Variants in FIG4 observed in about 807,000 individuals in gnomAD.
The protein encoded by FIG4 is polyphosphoinositide phosphatase.
In FIG4, 112 loss-of-function variants were observed where a neutral mutation model predicts 118.6. That is an observed-to-expected ratio of 0.94 (90% CI 0.81 to 1.11). FIG4 has a LOEUF of 1.11. Ranked by LOEUF, FIG4 falls within the 50% of genes least tolerant of loss-of-function variation. The pLI is 0.00. For missense variants in FIG4, 969 were observed against 1,111.7 expected (o/e 0.87, Z 1.83); for synonymous variants, 369 against 381.2 (o/e 0.97, Z 0.37).
intron 21 of FIG4, among the ~76,000 whole-genome samples, chr6:109,796,410 T>C (rs180766160): frequency 2.7e-4 from 41 of 152,300 alleles, no homozygotes; most frequent in African/African-American, 9.1e-4. Flanking sequence ...ACGCATTAGA[T>C]ATTTGTCACC....
chr6:109,714,261 G>A (rs900435775), intron 1 of FIG4, among the ~76,000 whole-genome samples: 1 of 152,278 alleles, frequency 6.6e-6, no homozygotes, highest in Non-Finnish European at 1.5e-5. Context: ...ATGAATGCCA[G>A]TGCATGGTAG....
chr6:109,730,190 A>G lies in FIG4; in HGVS notation c.447-2447A>G, dbSNP rs148684403. On this transcript the variant is annotated intron_variant, in intron 4 of 22. Transcript: ENST00000230124. ...CAGCCTCCCCAGTAGCTGGGACTAC[A>G]GACACATGCCACCACGCCTGACTAA... 4.1e-3 allele frequency among the ~76,000 whole-genome samples: 620 copies of G among 152,142 alleles called. 9 individuals carry two copies. Among genetic ancestry groups the G allele is most frequent in the African/African-American group, 0.014 (579 of 41,502 alleles).
At chr6:109,817,775 G>A (rs138317171) in intron 22 of FIG4, among the ~76,000 whole-genome samples, 197 of 152,288 alleles carry the variant, frequency 1.3e-3, no homozygotes, top group African/African-American at 4.5e-3. Flanking sequence ...AGGAACACAG[G>A]TCTCCTGGCG....
chr6:109,768,403 G>T (rs1400413179), intron 15 of FIG4, among the ~76,000 whole-genome samples: 1 of 152,228 alleles, frequency 6.6e-6, no homozygotes, highest in African/African-American at 2.4e-5. Context: ...AGTTTGCAAA[G>T]CTGGTCTGTT....
At chr6:109,796,967 C>G in intron 22 of FIG4, 116 bp downstream of exon 22, 1 of 712,840 alleles carries the variant, frequency 1.4e-6, no homozygotes, top group Non-Finnish European at 2.5e-6. Flanking sequence ...GTATAAGCAC[C>G]AAAGTGTCTC....
chr6:109,727,615 A>G (rs1158685411), intron 4 of FIG4, among the ~76,000 whole-genome samples: 1 of 152,304 alleles, frequency 6.6e-6, no homozygotes, highest in South Asian at 2.1e-4. Context: ...TTTAAACTCC[A>G]TGGATCTCTT....
chr6:109,753,218 A>G (rs561852412), intron 10 of FIG4, among the ~76,000 whole-genome samples: 1 of 152,076 alleles, frequency 6.6e-6, no homozygotes, highest in South Asian at 2.1e-4. Flanking sequence ...CCGAGATCAG[A>G]CGAGATCGGG....
intron 10 of FIG4, among the ~76,000 whole-genome samples, chr6:109,744,834 C>G (rs954489810): frequency 4.1e-4 from 62 of 150,836 alleles, no homozygotes; most frequent in African/African-American, 1.4e-3. Flanking sequence ...TGTTCCCGTC[C>G]TTGTGTCCAT....
At chr6:109,744,363 T>A (rs1242638963) in intron 10 of FIG4, among the ~76,000 whole-genome samples, 1 of 152,082 alleles carries the variant, frequency 6.6e-6, no homozygotes, top group Non-Finnish European at 1.5e-5. Flanking sequence ...GGCATACAGG[T>A]CAAAGGCTGA....
At chr6:109,699,677 A>C (rs1774847527) in intron 1 of FIG4, among the ~76,000 whole-genome samples, 1 of 151,100 alleles carries the variant, frequency 6.6e-6, no homozygotes, top group East Asian at 1.9e-4. Context: ...TAATTTTTTG[A>C]ATTTTCGGTA....
rs573714423 is a variant in FIG4 at position 109,736,876 on chromosome 6, C to A, written c.647-1449C>A. On this transcript the variant is annotated intron_variant, in intron 6 of 22. Coordinates refer to ENST00000230124, the MANE Select transcript of FIG4 (RefSeq NM_014845.6). ...CTTTCCAGAGGCTCCAGGGGAGAATCAGTTTTCTTGCCCTTTCCATCTTCT... is the reference window on the plus strand; with the variant it reads ...CTTTCCAGAGGCTCCAGGGGAGAATAAGTTTTCTTGCCCTTTCCATCTTCT... 2.0e-5 allele frequency among the ~76,000 whole-genome samples: 3 copies of A among 152,204 alleles called. No individual in the cohort carries two copies. In the South Asian group the frequency reaches 6.2e-4, roughly 32 times the overall value.
chr6:109,815,495 G>GCCCCCCCCCCCCCCCCCCCC (rs112617514), intron 22 of FIG4, among the ~76,000 whole-genome samples: 6 of 89,156 alleles, frequency 6.7e-5, no homozygotes, highest in African/African-American at 1.0e-4. Context: ...ACTCCAGGCT[G>GCCCCCCCCCCCCCCCCCCCC]CCCCCCCCAC....
intron 1 of FIG4, among the ~76,000 whole-genome samples, chr6:109,693,640 T>C (rs1774619641): frequency 6.6e-6 from 1 of 152,186 alleles, no homozygotes; most frequent in African/African-American, 2.4e-5. Flanking sequence ...CTCAGAGTAC[T>C]GCCAAAAACA....
rs533273800 is a variant in FIG4, at chr6:109,775,650, T to A, written c.1751-1272T>A. On this transcript the variant is annotated intron_variant, in intron 15 of 22. Transcript: ENST00000230124. ...GTAAAGAGGGTACAAATTGGGGCAG[T>A]AATGTATGCATTATTTAATGCTTGA... Among the ~76,000 whole-genome samples the A allele has an allele frequency of 2.0e-5, 3 of 152,316 alleles. No individual in the cohort carries two copies. In the East Asian group the frequency reaches 5.8e-4, roughly 29 times the overall value.
At chr6:109,822,787 G>GTATATATATATATATATA (rs10523453) in intron 22 of FIG4, among the ~76,000 whole-genome samples, 1 of 120,432 alleles carries the variant, frequency 8.3e-6, no homozygotes, top group Non-Finnish European at 1.8e-5. Flanking sequence ...GTGTGTGTAT[G>GTATATATATATATATATA]TATATATATA....
chr6:109,774,743 G>A (rs73523083), intron 15 of FIG4, among the ~76,000 whole-genome samples: 4,305 of 152,118 alleles, frequency 0.028, 217 homozygotes, highest in African/African-American at 0.097. Context: ...TGAAAATTGT[G>A]TGTACCTGTT....
intron 22 of FIG4, among the ~76,000 whole-genome samples, chr6:109,822,760 AGT>A (rs1491152136): frequency 4.2e-4 from 49 of 116,116 alleles, no homozygotes; most frequent in African/African-American, 1.3e-3. Context: ...GGATGGTTGA[AGT>A]GTATATATAT....
At chr6:109,729,439 C>G (rs1775915422) in intron 4 of FIG4, among the ~76,000 whole-genome samples, 2 of 152,120 alleles carry the variant, frequency 1.3e-5, no homozygotes, top group South Asian at 4.1e-4. Context: ...TATCTGCCGT[C>G]ACTACTAACA....
intron 20 of FIG4, 108 bp from the exon 21 acceptor site, chr6:109,792,474 G>T: frequency 5.5e-6 from 4 of 728,028 alleles, no homozygotes; most frequent in Non-Finnish European, 9.6e-6. Flanking sequence ...GAAGCACTGT[G>T]ATTGCTTTTG....
Sources: gnomAD v4.1 joint callset for allele counts (sites outside exome capture counted in the v4.1 genomes callset) on GRCh38, gnomAD v4.1.1 for gene constraint, MANE v1.5 for transcripts, NCBI Gene and HGNC (gene_info 2026-07-23, HGNC 2026-07-21) for gene names.